ARHGAP4: variants seen among roughly 807,000 people sequenced by gnomAD.
ARHGAP4 encodes rho GTPase-activating protein 4.
Under a neutral mutation model 67.6 loss-of-function variants are expected in ARHGAP4, and 25 were observed. The observed-to-expected ratio is 0.37, with a 90% CI of 0.27 to 0.52. The LOEUF (loss-of-function observed/expected upper bound fraction) is 0.52. ARHGAP4 is among the 20% of genes least tolerant of loss of function. ARHGAP4 has a pLI of 0.92. For missense variants in ARHGAP4, 804 were observed against 854.6 expected, an observed-to-expected ratio of 0.94 and a Z score of 0.74; for synonymous variants, 448 against 373.7, an observed-to-expected ratio of 1.20 and a Z score of -2.29.
chrX:153,925,322 T>C (rs922154661), intron 1 of ARHGAP4, among the ~76,000 whole-genome samples: 2 of 112,205 alleles, frequency 1.8e-5, no homozygotes, highest in Non-Finnish European at 3.8e-5. Flanking sequence ...GTCCTAGAAG[T>C]TGCAGTGCTG....
rs1160330068 is a variant in ARHGAP4 at position 153,917,762 on chromosome X, A to G, written c.1032+1070T>C. Among the ~76,000 whole-genome samples the G allele has an allele frequency of 2.7e-5, 3 of 112,455 alleles. No homozygotes were observed. The Admixed American group carries it at 2.8e-4, about 11-fold the overall frequency. On this transcript the variant is annotated intron_variant, in intron 7 of 21. Transcript: ENST00000350060. The stretch of plus-strand genomic sequence containing the variant: ...TGAGACCCTGTTTCAAAAACAAAAC[A>G]CAACAAAACAAAACAAAGAATACAG...
chrX:153,910,889 G>GGCCCC, intron 14 of ARHGAP4, 33 bp downstream of exon 14: 3 of 1,147,409 alleles, frequency 2.6e-6, no homozygotes, highest in Non-Finnish European at 2.3e-6. Flanking sequence ...ATCTGCCCGA[G>GGCCCC]CCCCCACCCC....
Position 153,913,276 on chromosome X carries a change from C to T in ARHGAP4, c.1353G>A (p.Arg451=), listed in dbSNP as rs1372163326. 13 of 1,174,496 alleles carry T rather than the reference C, an allele frequency of 1.1e-5. No individual in the cohort carries two copies. The highest frequency in any genetic ancestry group is 1.9e-5 in the South Asian group (1 of 53,395). ...TGGCCTGCAGCTTGGCGAGGATGCT[C>T]CGTCCACTCAGATACTCCTGGAGCT... The part of the protein sequence containing the change: ...LTKLQEYLSG[R]SILAKLQAKH... The change falls in exon 10 of 22, where the codon CGG becomes CGA. Residue 451 remains arginine (R), a synonymous_variant. Coordinates refer to ENST00000350060, the MANE Select transcript of ARHGAP4 (RefSeq NM_001666.5).
chrX:153,920,702 G>A lies in ARHGAP4; in HGVS notation c.605C>T (p.Thr202Ile), dbSNP rs1557105057. 1 of 1,210,818 alleles carries A rather than the reference G, an allele frequency of 8.3e-7. No homozygotes were observed. Among genetic ancestry groups the A allele is most frequent in the African/African-American group, 1.7e-5 (1 of 57,660 alleles). The change falls in exon 5 of 22, where the codon ACC (threonine) becomes ATC (isoleucine). Residue 202 changes from threonine (T) to isoleucine (I), a missense_variant. This residue lies in a region of ARHGAP4 where 404 missense variants were observed against 505.9 expected (regional missense o/e 0.80). Transcript: ENST00000350060. ...EEKRAGRSVP[T>I]TTAGATEAGP... ...TGCCTCAGTGGCACCAGCGGTGGTG[G>A]TGGGGACACTCCGGCCTGCCCGCTT...
intron 7 of ARHGAP4, among the ~76,000 whole-genome samples, chrX:153,916,841 G>C (rs1354290469): frequency 1.8e-5 from 2 of 113,015 alleles, no homozygotes; most frequent in African/African-American, 6.4e-5. Context: ...ACTTTGGGAG[G>C]CTGAGGCAAG....
chrX:153,921,097 C>T lies in ARHGAP4; in HGVS notation c.498G>A (p.Thr166=). 1 of 1,202,578 alleles carries T rather than the reference C, an allele frequency of 8.3e-7. No individual in the cohort carries two copies. The highest frequency in any genetic ancestry group is 1.1e-6 in the Non-Finnish European group (1 of 890,328). Residue 166 remains threonine, a splice_region_variant and synonymous_variant, in exon 4 of 22, where the codon ACG becomes ACA. Transcript: ENST00000350060. ...ELLEVVSELQ[T]AKKTYQAYHM... is the part of the protein sequence containing the mutation. ...GGCCCCTCCCCAGCCCTTTCCTCAC[C>T]GTCTGGAGCTCTGAGACCACCTCCA...
In ARHGAP4 at chrX:153,921,594, A is replaced by G. The variant is rs1345241676; in HGVS notation, c.272+11T>C. 1.7e-6 allele frequency: 2 copies of G among 1,208,410 alleles called. No homozygotes were observed. The highest frequency in any genetic ancestry group is 1.1e-6 in the Non-Finnish European group (1 of 893,907). On this transcript the variant is annotated intron_variant, in intron 2 of 21. Coordinates refer to ENST00000350060, the MANE Select transcript of ARHGAP4 (RefSeq NM_001666.5). ...GCCCTGCCGTGGCCCCCCTGCCAGC[A>G]CATCACCTACCGGAAGCTTTGGTGC...
chrX:153,923,988 G>A (rs1182125138), intron 1 of ARHGAP4, among the ~76,000 whole-genome samples: 2 of 111,619 alleles, frequency 1.8e-5, no homozygotes, highest in Non-Finnish European at 3.8e-5. Context: ...ATGTTGGCCA[G>A]ACTGGGTCTT....
At chrX:153,916,816 G>A (rs2065058509) in intron 7 of ARHGAP4, among the ~76,000 whole-genome samples, 1 of 112,929 alleles carries the variant, frequency 8.9e-6, no homozygotes, top group Non-Finnish European at 1.9e-5. Context: ...GGTGGCTCAC[G>A]CCTGTAATCC....
At chrX:153,926,050 T>TG (rs1772161650) in intron 1 of ARHGAP4, 86 bp downstream of exon 1, 1 of 1,129,028 alleles carries the variant, frequency 8.9e-7, no homozygotes. Context: ...CATCGGGCCC[T>TG]GGGCCAGCGC....
intron 11 of ARHGAP4, 90 bp downstream of exon 11, chrX:153,912,934 A>G: frequency 8.9e-7 from 1 of 1,126,907 alleles, no homozygotes; most frequent in Non-Finnish European, 1.2e-6. Flanking sequence ...TGGGGAAGTG[A>G]GGCCCAGGGG....
intron 21 of ARHGAP4, among the ~76,000 whole-genome samples, chrX:153,908,354 G>A (rs1322530530): frequency 1.8e-5 from 2 of 112,031 alleles, no homozygotes; most frequent in African/African-American, 6.5e-5. Context: ...GCTCCTCCGT[G>A]TCTACCGGAC....
At chrX:153,919,367 C>T in intron 5 of ARHGAP4, 84 bp from the exon 6 acceptor site, 3 of 1,197,965 alleles carry the variant, frequency 2.5e-6, no homozygotes, top group Non-Finnish European at 3.4e-6. Context: ...CCATCGCCTC[C>T]CCTCCCACTG....
rs1557102969 is a variant in ARHGAP4 at position 153,910,736 on chromosome X, G to T, written c.1780C>A (p.Pro594Thr). 1.5e-5 allele frequency: 18 copies of T among 1,193,443 alleles called. No individual in the cohort carries two copies. Among genetic ancestry groups the T allele is most frequent in the East Asian group, 3.0e-5 (1 of 33,009 alleles). Reference sequence around the variant, plus strand: ...AGCAGCTCGCCGAACAGGTCTGGGGGGAAGAGTGGGGGCTCCAGGCTCCGG... The same window carrying T: ...AGCAGCTCGCCGAACAGGTCTGGGGTGAAGAGTGGGGGCTCCAGGCTCCGG... Reference protein sequence around the residue: ...YFRSLEPPLFPPDLFGELLAS... With the variant: ...YFRSLEPPLFTPDLFGELLAS... Residue 594 changes from proline to threonine, a missense_variant, in exon 15 of 22, where the codon CCC (proline) becomes ACC (threonine). This residue lies in a region of ARHGAP4 where 400 missense variants were observed against 348.7 expected (regional missense o/e 1.15). Transcript: ENST00000350060.
In ARHGAP4 at chrX:153,910,215, G is replaced by T; in HGVS notation, c.2112C>A (p.Pro704=). 8.3e-7 allele frequency: 1 copy of T among 1,211,257 alleles called. No homozygotes were observed. The highest frequency in any genetic ancestry group is 1.1e-6 in the Non-Finnish European group (1 of 895,430). ...GCGGTGCCATGCACTTCTCGTAGAC[G>T]GGGCCAGGCAGCGAGGTCAGGGGCG... ...VFPPLTSLPG[P]VYEKCMAPPS... is the part of the protein sequence containing the mutation. Residue 704 remains proline (P), a synonymous_variant, in exon 17 of 22, where the codon CCC becomes CCA. Transcript: ENST00000350060.
At chrX:153,913,622 G>C in intron 8 of ARHGAP4, 22 bp from the exon 9 acceptor site, 2 of 1,186,055 alleles carry the variant, frequency 1.7e-6, no homozygotes, top group Non-Finnish European at 2.3e-6. Context: ...ACCACACCAG[G>C]GTGGTAAGAG....
rs782789424 is a variant in ARHGAP4, at chrX:153,910,791, G to C, written c.1725C>G (p.Asp575Glu). 1 of 1,191,835 alleles carries C rather than the reference G, an allele frequency of 8.4e-7. No homozygotes were observed. Among genetic ancestry groups the C allele is most frequent in the Non-Finnish European group, 1.1e-6 (1 of 885,208 alleles). ...AGAGCTTCAGCACCCCGGCCACCGA[G>C]TCCAGGTCATGGGCAGTGCAGCCCT... The part of the protein sequence containing the change: ...LVEGCTAHDL[D>E]SVAGVLKLYF... Residue 575 changes from aspartate (D) to glutamate (E), a missense_variant, in exon 15 of 22, where the codon GAC (aspartate) becomes GAG (glutamate). By Grantham distance (45) the Asp-to-Glu change is conservative (BLOSUM62 2). Coordinates refer to ENST00000350060, the MANE Select transcript of ARHGAP4 (RefSeq NM_001666.5).
chrX:153,911,166 CA>C lies in ARHGAP4; in HGVS notation c.1565del (p.Leu522ArgfsTer60). On this transcript the variant is annotated frameshift_variant, in exon 13 of 22. Transcript: ENST00000350060. LOFTEE classifies it high-confidence loss of function. ...FIQSSGQPVPLVVESCIRFIN... is the reference protein window; with the variant it reads ...FIQSSGQPVPXVVESCIRFIN... Reference sequence around the variant, plus strand: ...TGAAGCGAATGCAGCTCTCCACCACCAGGGGCACAGGCTGGCCTGAGCTCTG... The same window carrying C: ...TGAAGCGAATGCAGCTCTCCACCACCGGGGCACAGGCTGGCCTGAGCTCTG... The C allele has an allele frequency of 8.5e-7, 1 of 1,170,047 alleles. No homozygotes were observed. The highest frequency in any genetic ancestry group is 1.1e-6 in the Non-Finnish European group (1 of 873,942).
intron 5 of ARHGAP4, chrX:153,920,332 G>A (rs1271910365): frequency 5.8e-6 from 2 of 345,341 alleles, no homozygotes; most frequent in Non-Finnish European, 1.0e-5. Context: ...CCCACCCTAA[G>A]TGTCTTCTTG....
Sources: allele counts gnomAD v4.1 joint callset (sites outside exome capture counted in the v4.1 genomes callset), GRCh38; gene constraint gnomAD v4.1.1; regional missense constraint gnomAD v4.1.1; transcripts MANE v1.5; gene names NCBI Gene and HGNC (gene_info 2026-07-23, HGNC 2026-07-21).